NRCAM: variants seen among roughly 807,000 people sequenced by gnomAD.
NRCAM encodes the protein NgCAM-related cell adhesion molecule.
NRCAM carries 83 observed loss-of-function variants against 156.5 expected under a neutral mutation model. That is an observed-to-expected ratio of 0.53 (90% CI 0.44 to 0.64). The LOEUF (loss-of-function observed/expected upper bound fraction) is 0.64. NRCAM is among the 30% of genes least tolerant of loss of function. The probability of loss-of-function intolerance (pLI) is 0.00; values close to 1 mark genes in which losing one functional copy is unlikely to be tolerated. For synonymous variants in NRCAM, 538 were observed against 563.9 expected (o/e 0.95, Z 0.65); for missense variants, 1,417 against 1,597.3 (o/e 0.89, Z 1.92).
At chr7:108,370,018 G>A (rs1403732418) in intron 2 of NRCAM, among the ~76,000 whole-genome samples, 1 of 152,058 alleles carries the variant, frequency 6.6e-6, no homozygotes, top group Non-Finnish European at 1.5e-5. Flanking sequence ...AGTCAATCCA[G>A]CTGTCTGAAA....
At chr7:108,342,513 T>C (rs562078081) in intron 2 of NRCAM, among the ~76,000 whole-genome samples, 6 of 152,310 alleles carry the variant, frequency 3.9e-5, no homozygotes, top group African/African-American at 1.2e-4. Context: ...CCAATACCCA[T>C]TTAGTAAGAT....
chr7:108,275,638 G>C (rs975654436), intron 3 of NRCAM, among the ~76,000 whole-genome samples: 1 of 151,962 alleles, frequency 6.6e-6, no homozygotes, highest in Admixed American at 6.6e-5. Context: ...TTCTTTATTA[G>C]TCTTGCAGGC....
chr7:108,204,731 C>T (rs552948332), intron 13 of NRCAM, among the ~76,000 whole-genome samples: 1 of 152,284 alleles, frequency 6.6e-6, no homozygotes, highest in Admixed American at 6.5e-5. Flanking sequence ...GGAATTCCAG[C>T]CTTGTCTTCT....
intron 1 of NRCAM, among the ~76,000 whole-genome samples, chr7:108,407,738 A>G (rs900180788): frequency 3.9e-5 from 6 of 152,190 alleles, no homozygotes; most frequent in Admixed American, 6.5e-5. Context: ...GAATCACCTG[A>G]GCTGGTTTTA....
intron 2 of NRCAM, among the ~76,000 whole-genome samples, chr7:108,378,482 G>A (rs547354032): frequency 6.6e-6 from 1 of 152,002 alleles, no homozygotes; most frequent in South Asian, 2.1e-4. Flanking sequence ...ACAAATAAAG[G>A]ACTAACATTT....
chr7:108,298,588 C>A (rs4727704), intron 3 of NRCAM, among the ~76,000 whole-genome samples: 1 of 151,518 alleles, frequency 6.6e-6, no homozygotes, highest in Non-Finnish European at 1.5e-5. Context: ...GGGAGGCAGA[C>A]CTTGCAGTGA....
intron 2 of NRCAM, among the ~76,000 whole-genome samples, chr7:108,349,009 T>C (rs914233206): frequency 4.6e-5 from 7 of 151,832 alleles, no homozygotes; most frequent in Admixed American, 4.6e-4. Context: ...TTTAGGGAAG[T>C]TTTGCTATGT....
At chr7:108,222,887 C>T (rs916793712) in intron 11 of NRCAM, among the ~76,000 whole-genome samples, 1 of 152,200 alleles carries the variant, frequency 6.6e-6, no homozygotes, top group African/African-American at 2.4e-5. Context: ...CCTTGTAACA[C>T]AGAGCTAACA....
At chr7:108,386,603 A>G (rs2099741559) in intron 2 of NRCAM, among the ~76,000 whole-genome samples, 1 of 152,148 alleles carries the variant, frequency 6.6e-6, no homozygotes, top group Non-Finnish European at 1.5e-5. Context: ...GAATATAGAG[A>G]TGGCCTACAG....
At chr7:108,301,548 A>G (rs1437008724) in intron 3 of NRCAM, among the ~76,000 whole-genome samples, 1 of 152,142 alleles carries the variant, frequency 6.6e-6, no homozygotes, top group African/African-American at 2.4e-5. Context: ...ACCTCTGACC[A>G]TCCCATCTCA....
chr7:108,167,838 C>T (rs117457180), intron 29 of NRCAM, among the ~76,000 whole-genome samples: 7 of 152,062 alleles, frequency 4.6e-5, no homozygotes, highest in African/African-American at 9.7e-5. Flanking sequence ...TAATTTTCTG[C>T]GGTTTCTTAT....
intron 3 of NRCAM, among the ~76,000 whole-genome samples, chr7:108,279,118 T>A (rs1012074680): frequency 1.3e-5 from 2 of 152,172 alleles, no homozygotes; most frequent in African/African-American, 4.8e-5. Context: ...AAAGACTATA[T>A]GGTAAGAGAT....
At chr7:108,285,667 G>A (rs1458610658) in intron 3 of NRCAM, among the ~76,000 whole-genome samples, 1 of 152,202 alleles carries the variant, frequency 6.6e-6, no homozygotes, top group Non-Finnish European at 1.5e-5. Context: ...TTGTCTAAAA[G>A]CATTGGGAAG....
chr7:108,280,889 G>A (rs2097835802), intron 3 of NRCAM, among the ~76,000 whole-genome samples: 1 of 152,100 alleles, frequency 6.6e-6, no homozygotes, highest in Admixed American at 6.5e-5. Flanking sequence ...AGACAGGGAG[G>A]CAATGGTCTT....
At chr7:108,284,872 T>C (rs2098023330) in intron 3 of NRCAM, among the ~76,000 whole-genome samples, 1 of 152,244 alleles carries the variant, frequency 6.6e-6, no homozygotes, top group African/African-American at 2.4e-5. Context: ...TTCTGCTTTG[T>C]GCTGCACGCA....
At chr7:108,162,803 TCACACA>T (rs1277767598) in intron 30 of NRCAM, among the ~76,000 whole-genome samples, 1 of 152,080 alleles carries the variant, frequency 6.6e-6, no homozygotes, top group Non-Finnish European at 1.5e-5. Context: ...ACAGTCACAT[TCACACA>T]CACACAAGTA....
intron 1 of NRCAM, among the ~76,000 whole-genome samples, chr7:108,403,136 C>T (rs1244171647): frequency 1.3e-5 from 2 of 152,224 alleles, no homozygotes; most frequent in Non-Finnish European, 2.9e-5. Context: ...ACTCCATTTA[C>T]TGCCATTCTT....
chr7:108,435,704 T>G (rs552887165), intron 1 of NRCAM, among the ~76,000 whole-genome samples: 1 of 152,202 alleles, frequency 6.6e-6, no homozygotes, highest in African/African-American at 2.4e-5. Flanking sequence ...GTGACACGAC[T>G]TCACCTATAT....
At chr7:108,373,939 C>T (rs1160303464) in intron 2 of NRCAM, among the ~76,000 whole-genome samples, 1 of 152,086 alleles carries the variant, frequency 6.6e-6, no homozygotes, top group Non-Finnish European at 1.5e-5. Context: ...TTTTAAATGT[C>T]CTTCCCATCA....
Sources: allele counts gnomAD v4.1 joint callset (sites outside exome capture counted in the v4.1 genomes callset), GRCh38; gene constraint gnomAD v4.1.1; transcripts MANE v1.5; gene names NCBI Gene and HGNC (gene_info 2026-07-23, HGNC 2026-07-21).